SMG7: variants seen among roughly 807,000 people sequenced by gnomAD.
SMG7 encodes nonsense-mediated mRNA decay factor SMG7.
Under a neutral mutation model 148.2 loss-of-function variants are expected in SMG7, and 34 were observed. The observed-to-expected ratio is 0.23, with a 90% CI of 0.17 to 0.31. SMG7 has a LOEUF of 0.31. Ranked by LOEUF, SMG7 falls within the 10% of genes least tolerant of loss-of-function variation. The pLI is 1.00. For missense variants in SMG7, 1,114 were observed against 1,408.4 expected, an observed-to-expected ratio of 0.79 and a Z score of 3.35; for synonymous variants, 492 against 515.1, an observed-to-expected ratio of 0.96 and a Z score of 0.61.
At chr1:183,521,163 A>C (rs928657421) in intron 4 of SMG7, among the ~76,000 whole-genome samples, 2 of 150,612 alleles carry the variant, frequency 1.3e-5, no homozygotes, top group Non-Finnish European at 2.9e-5. Flanking sequence ...ACTGGAGTGC[A>C]GTGGCGCTCA....
At chr1:183,493,569 T>G (rs1657605380) in intron 1 of SMG7, among the ~76,000 whole-genome samples, 2 of 152,194 alleles carry the variant, frequency 1.3e-5, no homozygotes, top group Admixed American at 6.5e-5. Context: ...TGGTCTAACC[T>G]CACTGGTTTG....
rs148708165 is a variant in SMG7 at position 183,491,559 on chromosome 1, A to T, written c.29+18910A>T. On this transcript the variant is annotated intron_variant, in intron 1 of 22. Transcript: ENST00000688051. ...GGTACATACATATGTGGCTATATACATATATATATATCTCCTAGTCTGTGG... is the reference window on the plus strand; with the variant it reads ...GGTACATACATATGTGGCTATATACTTATATATATATCTCCTAGTCTGTGG... 3.8e-4 allele frequency among the ~76,000 whole-genome samples: 57 copies of T among 151,852 alleles called. No homozygotes were observed. The East Asian group carries it at 7.5e-3, about 20-fold the overall frequency.
intron 8 of SMG7, among the ~76,000 whole-genome samples, chr1:183,531,331 A>T (rs1666811943): frequency 6.6e-6 from 1 of 152,102 alleles, no homozygotes; most frequent in Admixed American, 6.6e-5. Context: ...TGTAAGTTAA[A>T]TGTGGGCTGT....
chr1:183,473,362 T>G lies in SMG7; in HGVS notation c.29+713T>G, dbSNP rs78365282. ...CCATTCTGAGAGTCGTGTGTATTCATTAAGAGTGGTGTAAGGAACTTGTAT... is the reference window on the plus strand; with the variant it reads ...CCATTCTGAGAGTCGTGTGTATTCAGTAAGAGTGGTGTAAGGAACTTGTAT... On this transcript the variant is annotated intron_variant, in intron 1 of 22. Coordinates refer to ENST00000688051, the MANE Select transcript of SMG7 (RefSeq NM_001375584.1). Among the ~76,000 whole-genome samples, 593 of 151,912 alleles carry G rather than the reference T, an allele frequency of 3.9e-3. 31 individuals carry two copies. The East Asian group carries it at 0.1, about 26-fold the overall frequency.
chr1:183,472,735 T>G, intron 1 of SMG7, 86 bp downstream of exon 1: 1 of 1,233,544 alleles, frequency 8.1e-7, no homozygotes, highest in Non-Finnish European at 1.1e-6. Flanking sequence ...AAGTCCGGGG[T>G]GGCGGGGGAG....
chr1:183,516,171 G>A, intron 3 of SMG7, 180 bp downstream of exon 3: 1 of 544,042 alleles, frequency 1.8e-6, no homozygotes, highest in Non-Finnish European at 3.3e-6. Flanking sequence ...AGTCTTTGGA[G>A]GAGGTAAGAA....
intron 8 of SMG7, among the ~76,000 whole-genome samples, chr1:183,531,522 CA>C (rs1666853162): frequency 6.6e-6 from 1 of 152,132 alleles, no homozygotes; most frequent in African/African-American, 2.4e-5. Context: ...GTTGTTCATT[CA>C]CTAAGTGTTT....
At chr1:183,495,159 AT>A (rs1330506465) in intron 1 of SMG7, among the ~76,000 whole-genome samples, 1 of 151,850 alleles carries the variant, frequency 6.6e-6, no homozygotes, top group East Asian at 1.9e-4. Flanking sequence ...TAATATATAT[AT>A]ATTTTTTTCT....
At chr1:183,540,354 G>A (rs1220935073) in intron 12 of SMG7, among the ~76,000 whole-genome samples, 1 of 151,708 alleles carries the variant, frequency 6.6e-6, no homozygotes, top group Non-Finnish European at 1.5e-5. Context: ...CCCAAAGGTA[G>A]GGACTCTTAT....
Position 183,547,106 on chromosome 1 carries a change from C to T in SMG7, c.2746C>T (p.Pro916Ser), listed in dbSNP as rs3768589. ...DPVPRMPFED[P>S]KSSPLLPPDL... is the part of the protein sequence containing the mutation. The stretch of plus-strand genomic sequence containing the variant: ...CTGTGATGCTTTCTGTCACTAGGAC[C>T]CCAAGAGCTCCCCTCTGCTTCCTCC... Residue 916 changes from proline (P) to serine (S), a missense_variant, in exon 18 of 23, where the codon CCC becomes TCC. Physicochemically the swap from Pro to Ser is moderately conservative, Grantham distance 74. This residue lies in a region of SMG7 where 788 missense variants were observed against 894.5 expected (regional missense o/e 0.88). Coordinates refer to ENST00000688051, the MANE Select transcript of SMG7 (RefSeq NM_001375584.1). 31,908 of 1,549,178 alleles carry T rather than the reference C, an allele frequency of 0.021. 976 individuals are homozygous for T. The highest frequency in any genetic ancestry group is 0.18 in the East Asian group (7,223 of 40,894).
At chr1:183,511,065 G>C (rs1571910696) in intron 1 of SMG7, among the ~76,000 whole-genome samples, 1 of 152,130 alleles carries the variant, frequency 6.6e-6, no homozygotes, top group East Asian at 1.9e-4. Flanking sequence ...TGCAGGCTGA[G>C]GCAGGAGGAT....
rs536463707 is a variant in SMG7, at chr1:183,490,848, C to T, written c.29+18199C>T. On this transcript the variant is annotated intron_variant, in intron 1 of 22. Transcript: ENST00000688051. ...TCGCCCAGGTTGGAGTGCAGTGGCA[C>T]AATCTTGGTGCACTGCAACCTCTGC... is the stretch of plus-strand genomic sequence containing the variant. Among the ~76,000 whole-genome samples the T allele has an allele frequency of 1.1e-4, 16 of 152,302 alleles. No homozygotes were observed. In the South Asian group the frequency reaches 3.3e-3, roughly 32 times the overall value.
rs1667911606 is a variant in SMG7 at position 183,537,036 on chromosome 1, G to C, written c.1164-109G>C. 2.1e-5 allele frequency: 15 copies of C among 710,440 alleles called. 1 individual carries two copies. The South Asian group carries it at 2.7e-4, about 13-fold the overall frequency. 44.0% of individuals were successfully genotyped at this position (710,440 alleles called of 1,614,324 possible). On this transcript the variant is annotated intron_variant, in intron 10 of 22. Transcript: ENST00000688051. ...TACAGCCTTTGAAATGCTGAAATAA[G>C]GGAAAAATACATAAAGTCCAGGACC...
intron 13 of SMG7, among the ~76,000 whole-genome samples, chr1:183,541,725 C>A (rs748480721): frequency 1.3e-5 from 2 of 152,170 alleles, no homozygotes; most frequent in Non-Finnish European, 2.9e-5. Flanking sequence ...GAACTTACCA[C>A]CTCCAAGCTT....
chr1:183,546,747 CT>C (rs1170705320), intron 17 of SMG7, among the ~76,000 whole-genome samples: 1 of 152,146 alleles, frequency 6.6e-6, no homozygotes, highest in African/African-American at 2.4e-5. Flanking sequence ...TTTCTTTGCC[CT>C]TTTTATTCAT....
intron 1 of SMG7, among the ~76,000 whole-genome samples, chr1:183,511,292 A>C (rs1662094712): frequency 6.6e-6 from 1 of 152,220 alleles, no homozygotes; most frequent in Non-Finnish European, 1.5e-5. Flanking sequence ...AGCATTCTTA[A>C]AATCTGTAAT....
chr1:183,552,428 T>C lies in SMG7; in HGVS notation c.*497T>C. 1.0e-6 allele frequency: 1 copy of C among 990,846 alleles called. No individual in the cohort carries two copies. The highest frequency in any genetic ancestry group is 1.2e-6 in the Non-Finnish European group (1 of 833,026). 61.4% of individuals were successfully genotyped at this position (990,846 alleles called of 1,614,324 possible). Reference sequence around the variant, plus strand: ...TACTCTCAGTAGTAAAATATCACACTGAATTCTTCCATACACAGGTGTGCT... The same window carrying C: ...TACTCTCAGTAGTAAAATATCACACCGAATTCTTCCATACACAGGTGTGCT... On this transcript the variant is annotated 3_prime_UTR_variant, in exon 23 of 23. Coordinates refer to ENST00000688051, the MANE Select transcript of SMG7 (RefSeq NM_001375584.1).
rs761204502 is a variant in SMG7 at position 183,546,314 on chromosome 1, C to G, written c.2719C>G (p.Pro907Ala). 6 of 1,612,450 alleles carry G rather than the reference C, an allele frequency of 3.7e-6. No individual in the cohort carries two copies. Among genetic ancestry groups the G allele is most frequent in the Non-Finnish European group, 5.1e-6 (6 of 1,178,906 alleles). Residue 907 changes from proline (P) to alanine (A), a missense_variant, in exon 17 of 23, where the codon CCT becomes GCT. Around this residue, in one of 4 missense-constraint regions of SMG7, gnomAD observed 788 missense variants for 894.5 expected, o/e 0.88. Coordinates refer to ENST00000688051, the MANE Select transcript of SMG7 (RefSeq NM_001375584.1). Reference protein sequence around the residue: ...SPGVFRPEQDPVPRMPFEDPK... With the variant: ...SPGVFRPEQDAVPRMPFEDPK... ...AGGAGTCTTCCGTCCAGAGCAGGAT[C>G]CTGTACCCAGAATGCCGTTTGAGGT...
At chr1:183,478,076 T>A (rs1198408118) in intron 1 of SMG7, among the ~76,000 whole-genome samples, 1 of 152,132 alleles carries the variant, frequency 6.6e-6, no homozygotes, top group Non-Finnish European at 1.5e-5. Context: ...CTAAGCCTTA[T>A]CCTAGCCTGG....
Sources: allele counts gnomAD v4.1 joint callset (sites outside exome capture counted in the v4.1 genomes callset), GRCh38; gene constraint gnomAD v4.1.1; regional missense constraint gnomAD v4.1.1; transcripts MANE v1.5; gene names NCBI Gene and HGNC (gene_info 2026-07-23, HGNC 2026-07-21).